TMEM63A: variants seen among roughly 807,000 people sequenced by gnomAD.
The protein encoded by TMEM63A is mechanosensitive cation channel TMEM63A.
In TMEM63A, 76 loss-of-function variants were observed where a neutral mutation model predicts 100.6. That is an observed-to-expected ratio of 0.76 (90% CI 0.63 to 0.91). The LOEUF is 0.91. TMEM63A is among the 40% of genes least tolerant of loss of function. The pLI is 0.00. For synonymous variants in TMEM63A, 401 were observed against 401.1 expected, an observed-to-expected ratio of 1.00 and a Z score of 0.00; for missense variants, 876 against 1,008.8, an observed-to-expected ratio of 0.87 and a Z score of 1.78.
At chr1:225,864,670 C>T (rs1670110918) in intron 10 of TMEM63A, 1 of 152,144 alleles carries the variant, frequency 6.6e-6, no homozygotes, top group Non-Finnish European at 1.5e-5. Flanking sequence ...TTCTAAAATA[C>T]TTAGAGTTTC....
At chr1:225,847,991 C>T (rs1422402227) in intron 23 of TMEM63A, among the ~76,000 whole-genome samples, 1 of 152,166 alleles carries the variant, frequency 6.6e-6, no homozygotes, top group South Asian at 2.1e-4. Flanking sequence ...AGGCTGTGTG[C>T]AGAGAGAACT....
In TMEM63A at chr1:225,874,338, T is replaced by C; in HGVS notation, c.216A>G (p.Arg72=). Residue 72 remains arginine (R), a synonymous_variant, in exon 4 of 25, where the codon AGA becomes AGG. Transcript: ENST00000366835. Reference sequence around the variant, plus strand: ...TGCGGCCATAGTCCCAGAATCTTCTTCTTATAATAGAAAACACCAAGATTA... The same window carrying C: ...TGCGGCCATAGTCCCAGAATCTTCTCCTTATAATAGAAAACACCAAGATTA... The part of the protein sequence containing the change: ...LFLILVFSII[R]RRFWDYGRIA... The C allele has an allele frequency of 1.2e-6, 2 of 1,613,960 alleles. No homozygotes were observed. The highest frequency in any genetic ancestry group is 1.7e-6 in the Non-Finnish European group (2 of 1,179,992).
rs770118004 is a variant in TMEM63A at position 225,862,826 on chromosome 1, C to T, written c.772G>A (p.Val258Ile). Residue 258 changes from valine to isoleucine, a missense_variant, in exon 11 of 25, where the codon GTT becomes ATT. Coordinates refer to ENST00000366835, the MANE Select transcript of TMEM63A (RefSeq NM_014698.3). This position sits in a 1 kb window ranked among gnomAD's most constrained non-coding sequence, Gnocchi z 5.1. ...ACGTTGTAGCACAGCTGCACATCAA[C>T]CACCTCACACGTGGGATACGCGTCC... ...FRDAYPTCEV[V>I]DVQLCYNVAK... is the part of the protein sequence containing the mutation. The T allele has an allele frequency of 8.1e-6, 13 of 1,613,788 alleles. No individual in the cohort carries two copies. The South Asian group carries it at 8.8e-5, about 11-fold the overall frequency.
In TMEM63A at chr1:225,859,178, T is replaced by C; in HGVS notation, c.1377+18A>G. 1 of 1,614,066 alleles carries C rather than the reference T, an allele frequency of 6.2e-7. No individual in the cohort carries two copies. The highest frequency in any genetic ancestry group is 8.5e-7 in the Non-Finnish European group (1 of 1,179,988). ...TCACCAGCTATCCTGGGAGGGGCCT[T>C]GCAGAACAGTTACTCACATTCAGCG... On this transcript the variant is annotated intron_variant, in intron 15 of 24. Coordinates refer to ENST00000366835, the MANE Select transcript of TMEM63A (RefSeq NM_014698.3).
intron 5 of TMEM63A, among the ~76,000 whole-genome samples, 162 bp from the exon 6 acceptor site, chr1:225,871,275 T>C (rs1439371128): frequency 6.6e-6 from 1 of 152,252 alleles, no homozygotes; most frequent in South Asian, 2.1e-4. Context: ...CTTCACAATA[T>C]ACACCACATG....
At chr1:225,850,731 T>G (rs1412834849) in intron 20 of TMEM63A, among the ~76,000 whole-genome samples, 1 of 152,168 alleles carries the variant, frequency 6.6e-6, no homozygotes, top group Non-Finnish European at 1.5e-5. Flanking sequence ...TGTCTGTTTT[T>G]TTGAGACAGA....
In TMEM63A at chr1:225,853,544, G is replaced by A. The variant is rs1362262328; in HGVS notation, c.1797+85C>T. ...AGGTAAATGCTACCCACTAGTGGGG[G>A]TAGTGGGGGTGAGAGGCCCTCGGGT... On this transcript the variant is annotated intron_variant, in intron 19 of 24. Coordinates refer to ENST00000366835, the MANE Select transcript of TMEM63A (RefSeq NM_014698.3). This position sits in a 1 kb window ranked among gnomAD's most constrained non-coding sequence, Gnocchi z 4.0. 1 of 1,312,008 alleles carries A rather than the reference G, an allele frequency of 7.6e-7. No individual in the cohort carries two copies. The highest frequency in any genetic ancestry group is 1.6e-5 in the South Asian group (1 of 64,088). The allele number at this position is 1,312,008 out of a possible 1,614,324, so 81.3% of individuals were successfully genotyped here.
At chr1:225,858,845 C>T (rs906621792) in intron 15 of TMEM63A, among the ~76,000 whole-genome samples, 7 of 151,990 alleles carry the variant, frequency 4.6e-5, no homozygotes, top group African/African-American at 1.7e-4. Context: ...GATAGTCTAC[C>T]AACCTGAATA....
At chr1:225,850,728 T>G (rs988914966) in intron 20 of TMEM63A, among the ~76,000 whole-genome samples, 8 of 152,116 alleles carry the variant, frequency 5.3e-5, no homozygotes, top group Non-Finnish European at 1.2e-4. Flanking sequence ...GTCTGTCTGT[T>G]TTTTTGAGAC....
chr1:225,874,321 T>A lies in TMEM63A; in HGVS notation c.233A>T (p.Tyr78Phe). 6.2e-7 allele frequency: 1 copy of A among 1,614,128 alleles called. No homozygotes were observed. ...FSIIRRRFWD[Y>F]GRIALVSEAD... ...TTCTGACACCAGGGCAATGCGGCCA[T>A]AGTCCCAGAATCTTCTTCTTATAAT... The change falls in exon 4 of 25, where the codon TAT (tyrosine) becomes TTT (phenylalanine). Residue 78 changes from tyrosine to phenylalanine, a missense_variant. Tyr to Phe is a conservative substitution (Grantham distance 22, BLOSUM62 3). This residue lies in a region of TMEM63A where 487 missense variants were observed against 581.9 expected (regional missense o/e 0.84). Transcript: ENST00000366835.
intron 15 of TMEM63A, among the ~76,000 whole-genome samples, chr1:225,857,427 G>C (rs896664769): frequency 1.4e-5 from 2 of 146,966 alleles, no homozygotes; most frequent in Non-Finnish European, 2.9e-5. Context: ...CCACTGTCCA[G>C]CTGCAGCATA....
chr1:225,878,255 C>T (rs554894975), intron 2 of TMEM63A, among the ~76,000 whole-genome samples: 2 of 152,270 alleles, frequency 1.3e-5, no homozygotes, highest in African/African-American at 4.8e-5. Context: ...AGAATTGAAT[C>T]CCAAACCCAA....
chr1:225,844,415 G>C (rs1268209765), downstream of TMEM63A: 1 of 1,608,274 alleles, frequency 6.2e-7, no homozygotes, highest in African/African-American at 1.3e-5. Context: ...GCAGGGCCTG[G>C]CATTTGTAGG....
At chr1:225,855,217 T>C (rs564800147) in intron 18 of TMEM63A, among the ~76,000 whole-genome samples, 2 of 152,218 alleles carry the variant, frequency 1.3e-5, no homozygotes, top group East Asian at 3.9e-4. Flanking sequence ...GGGGCTGGGG[T>C]TGAATCCCAG....
At chr1:225,859,810 A>C (rs536506555) in intron 14 of TMEM63A, 6 of 161,498 alleles carry the variant, frequency 3.7e-5, no homozygotes, top group African/African-American at 1.4e-4. Flanking sequence ...ACACCCAGCT[A>C]ATTTTTTTGT....
At position 225,877,608 on chromosome 1, in the gene TMEM63A, C is replaced by A; in HGVS notation, c.-14-14G>T. ...CGCCTGTCTTCCCTGGAGCACAGGA[C>A]AACAGGACAAGGCAGACGTTCAGGG... On this transcript the variant is annotated splice_polypyrimidine_tract_variant and intron_variant, in intron 2 of 24. Transcript: ENST00000366835. 1 of 1,603,592 alleles carries A rather than the reference C, an allele frequency of 6.2e-7. No individual in the cohort carries two copies. The highest frequency in any genetic ancestry group is 8.5e-7 in the Non-Finnish European group (1 of 1,173,836).
intron 2 of TMEM63A, among the ~76,000 whole-genome samples, chr1:225,878,650 A>G (rs921136878): frequency 6.6e-6 from 1 of 152,120 alleles, no homozygotes; most frequent in African/African-American, 2.4e-5. Flanking sequence ...CTTGCTTAAG[A>G]TCCTACCTGC....
chr1:225,865,680 A>C lies in TMEM63A; in HGVS notation c.746+217T>G. The C allele has an allele frequency of 1.8e-6, 1 of 562,264 alleles. No individual in the cohort carries two copies. The highest frequency in any genetic ancestry group is 2.0e-5 in the South Asian group (1 of 48,994). 34.8% of individuals were successfully genotyped at this position (562,264 alleles called of 1,614,324 possible). A position where few individuals can be genotyped will look rare whatever the true frequency, so the allele number is the denominator to read the frequency against. On this transcript the variant is annotated intron_variant, in intron 10 of 24. Transcript: ENST00000366835. This position sits in a 1 kb window ranked among gnomAD's most constrained non-coding sequence, Gnocchi z 4.6. ...ACTGTGCACAGGCTGCTTGAAGAGG[A>C]TAGGCCACCAGGGCGCTATTCACTG...
In TMEM63A at chr1:225,866,771, A is replaced by C. The variant is rs1670236929; in HGVS notation, c.567-89T>G. 4.2e-6 allele frequency: 5 copies of C among 1,200,528 alleles called. No homozygotes were observed. In the East Asian group the frequency reaches 1.2e-4, roughly 29 times the overall value. The allele number at this position is 1,200,528 out of a possible 1,614,324, so 74.4% of individuals were successfully genotyped here. On this transcript the variant is annotated intron_variant, in intron 8 of 24. Coordinates refer to ENST00000366835, the MANE Select transcript of TMEM63A (RefSeq NM_014698.3). ...TGGGGCCTGGTTACCCTCAGTGGGC[A>C]CTGAACTGAGGACCAACAGCTTCAC...
Sources: gnomAD v4.1 joint callset for allele counts (sites outside exome capture counted in the v4.1 genomes callset) on GRCh38, gnomAD v4.1.1 for gene constraint, gnomAD v4.1.1 regional missense constraint, Gnocchi (gnomAD v3.1) non-coding constraint, MANE v1.5 for transcripts, NCBI Gene and HGNC (gene_info 2026-07-23, HGNC 2026-07-21) for gene names.